Variants in KCNG2 observed in about 807,000 individuals in gnomAD.
The protein encoded by KCNG2 is potassium voltage-gated channel modifier subfamily G member 2.
Under a neutral mutation model 12.3 loss-of-function variants are expected in KCNG2, and 7 were observed. The observed-to-expected ratio is 0.57, with a 90% CI of 0.32 to 1.07. The LOEUF is 1.07. Ranked by LOEUF, KCNG2 falls within the 50% of genes least tolerant of loss-of-function variation. KCNG2 has a pLI of 0.04. For missense variants in KCNG2, 703 were observed against 726.0 expected, an observed-to-expected ratio of 0.97 and a Z score of 0.36; for synonymous variants, 414 against 351.4, an observed-to-expected ratio of 1.18 and a Z score of -1.99.
At chr18:79,798,246 C>A (rs921964220) in intron 1 of KCNG2, among the ~76,000 whole-genome samples, 1 of 151,878 alleles carries the variant, frequency 6.6e-6, no homozygotes, top group African/African-American at 2.4e-5. Context: ...GCTGGTGCCT[C>A]CCCCTCCCGC....
intron 3 of KCNG2, among the ~76,000 whole-genome samples, chr18:79,896,778 TTC>T (rs369384555): frequency 6.6e-6 from 1 of 152,198 alleles, no homozygotes; most frequent in South Asian, 2.1e-4. Flanking sequence ...TAGCAGTGAA[TTC>T]TCTCTATTTT....
chr18:79,894,563 T>A (rs1980886477), intron 3 of KCNG2, among the ~76,000 whole-genome samples: 1 of 151,892 alleles, frequency 6.6e-6, no homozygotes, highest in African/African-American at 2.4e-5. Flanking sequence ...TATAGTTGGG[T>A]CTGTGTCTGC....
chr18:79,853,541 A>G (rs1432299034), intron 1 of KCNG2, among the ~76,000 whole-genome samples: 1 of 152,182 alleles, frequency 6.6e-6, no homozygotes, highest in African/African-American at 2.4e-5. Flanking sequence ...GGTGGTGTGC[A>G]GTGTTAGGAG....
intron 1 of KCNG2, among the ~76,000 whole-genome samples, chr18:79,826,512 C>T (rs1015877052): frequency 4.2e-5 from 6 of 141,536 alleles, no homozygotes; most frequent in Non-Finnish European, 6.1e-5. Context: ...AGGTTAGATT[C>T]GGCGCGTTAC....
At chr18:79,808,107 T>C (rs376769928) in intron 1 of KCNG2, among the ~76,000 whole-genome samples, 3,969 of 100,258 alleles carry the variant, frequency 0.04, 38 homozygotes, top group South Asian at 0.17. Flanking sequence ...CTCCACGTTA[T>C]GGGCCCAGAG....
intron 1 of KCNG2, among the ~76,000 whole-genome samples, chr18:79,807,868 G>A (rs1220050518): frequency 4.6e-5 from 5 of 109,860 alleles, no homozygotes; most frequent in African/African-American, 1.6e-4. Flanking sequence ...TCCACGTTAT[G>A]GGCCCAGAGT....
chr18:79,888,896 C>T (rs1038292268), intron 3 of KCNG2, among the ~76,000 whole-genome samples: 2 of 152,040 alleles, frequency 1.3e-5, no homozygotes, highest in East Asian at 3.9e-4. Flanking sequence ...TCAGGCTGGT[C>T]TCGAACTCCT....
chr18:79,883,895 C>A (rs905362450), intron 3 of KCNG2, among the ~76,000 whole-genome samples: 15 of 152,154 alleles, frequency 9.9e-5, no homozygotes, highest in Non-Finnish European at 1.9e-4. Flanking sequence ...CCATTTAGCA[C>A]AGACTTGCAC....
chr18:79,825,383 G>C (rs184747835), intron 1 of KCNG2, among the ~76,000 whole-genome samples: 2 of 152,352 alleles, frequency 1.3e-5, no homozygotes, highest in African/African-American at 4.8e-5. Context: ...TATAAGCCTT[G>C]TTTTCAAAGC....
At chr18:79,882,789 AGCGCGGAGGCCGGGTACACCTGCG>A (rs1568269762) in intron 3 of KCNG2, among the ~76,000 whole-genome samples, 2 of 148,316 alleles carry the variant, frequency 1.3e-5, no homozygotes, top group East Asian at 2.0e-4. Flanking sequence ...CTGCGCGTGG[AGCGCGGAGGCCGGGTACACCTGCG>A]CGTGGAGCGC....
At chr18:79,805,277 C>T (rs2122988556) in intron 1 of KCNG2, among the ~76,000 whole-genome samples, 1 of 152,362 alleles carries the variant, frequency 6.6e-6, no homozygotes, top group African/African-American at 2.4e-5. Flanking sequence ...CATTTCAGTG[C>T]TTTAACCTCT....
At chr18:79,879,544 T>TA (rs1980211687) in intron 3 of KCNG2, among the ~76,000 whole-genome samples, 1 of 152,062 alleles carries the variant, frequency 6.6e-6, no homozygotes, top group Non-Finnish European at 1.5e-5. Context: ...AAAATGGGAT[T>TA]ACCCTACTCA....
chr18:79,893,615 T>C (rs533342211), intron 3 of KCNG2, among the ~76,000 whole-genome samples: 78 of 152,280 alleles, frequency 5.1e-4, no homozygotes, highest in Non-Finnish European at 7.8e-4. Flanking sequence ...TAGCTGGATA[T>C]GTGTCTGCTT....
chr18:79,876,988 G>A (rs888369978), intron 3 of KCNG2, among the ~76,000 whole-genome samples: 1 of 152,234 alleles, frequency 6.6e-6, no homozygotes. Flanking sequence ...CGCAGGGTGC[G>A]CAGGAAATCG....
At chr18:79,896,205 A>T (rs893833544) in intron 3 of KCNG2, among the ~76,000 whole-genome samples, 3 of 152,116 alleles carry the variant, frequency 2.0e-5, no homozygotes, top group African/African-American at 7.2e-5. Context: ...ACCTCAGGTG[A>T]TCCATCTGCC....
rs34106166 is a variant in KCNG2 at position 79,900,024 on chromosome 18, T to C, written c.*208T>C. 5,685 of 381,388 alleles carry C rather than the reference T, an allele frequency of 0.015. 65 individuals carry two copies. The highest frequency in any genetic ancestry group is 0.026 in the Middle Eastern group (38 of 1,454). 23.6% of individuals were successfully genotyped at this position (381,388 alleles called of 1,614,324 possible). A position where few individuals can be genotyped will look rare whatever the true frequency, so the allele number is the denominator to read the frequency against. On this transcript the variant is annotated 3_prime_UTR_variant, in exon 4 of 4. Transcript: ENST00000316249. The stretch of plus-strand genomic sequence containing the variant: ...CGCTGGGCAAAGTCACTGGCCTTTG[T>C]CCTCCTGCCCCACCCCTTTCCTTGG...
intron 3 of KCNG2, among the ~76,000 whole-genome samples, chr18:79,873,835 A>G (rs1349521181): frequency 6.6e-6 from 1 of 152,220 alleles, no homozygotes; most frequent in Non-Finnish European, 1.5e-5. Context: ...ATTTAGCCCA[A>G]AGAAGGCAGC....
At chr18:79,863,336 A>G (rs749922873) in intron 2 of KCNG2, among the ~76,000 whole-genome samples, 3 of 152,208 alleles carry the variant, frequency 2.0e-5, no homozygotes, top group Non-Finnish European at 2.9e-5. Flanking sequence ...CGATTTGTGA[A>G]AGCTCCGTTC....
intron 3 of KCNG2, among the ~76,000 whole-genome samples, chr18:79,873,042 C>T (rs1218625031): frequency 6.6e-6 from 1 of 152,180 alleles, no homozygotes; most frequent in East Asian, 1.9e-4. Context: ...ACAAAAGGAC[C>T]TGCTAGGAAG....
Sources: allele counts gnomAD v4.1 joint callset (sites outside exome capture counted in the v4.1 genomes callset), GRCh38; gene constraint gnomAD v4.1.1; transcripts MANE v1.5; gene names NCBI Gene and HGNC (gene_info 2026-07-23, HGNC 2026-07-21).